CRADD: variants seen among roughly 807,000 people sequenced by gnomAD.
CRADD encodes death domain-containing protein CRADD.
CRADD carries 9 observed loss-of-function variants against 15.5 expected under a neutral mutation model. The ratio of observed to expected loss-of-function variants is 0.58; its 90% CI spans 0.35 to 1.01. CRADD has a LOEUF of 1.01. Among genes scored for constraint, CRADD ranks in the 50% least tolerant of loss-of-function variants. The pLI, the probability that CRADD is intolerant of heterozygous loss-of-function variation, is 0.02. For missense variants in CRADD, 227 were observed against 250.3 expected, an observed-to-expected ratio of 0.91 and a Z score of 0.63; for synonymous variants, 118 against 107.6, an observed-to-expected ratio of 1.10 and a Z score of -0.60.
chr12:93,712,393 C>G (rs1465144457), intron 2 of CRADD, among the ~76,000 whole-genome samples: 1 of 152,172 alleles, frequency 6.6e-6, no homozygotes, highest in Non-Finnish European at 1.5e-5. Flanking sequence ...ATCTTTTTTA[C>G]AGCTCATCCG....
At chr12:93,881,242 T>A (rs12578141) in intron 2 of CRADD, among the ~76,000 whole-genome samples, 32,561 of 152,108 alleles carry the variant, frequency 0.21, 4,014 homozygotes, top group African/African-American at 0.33. Context: ...TAAGAAAGAC[T>A]GAGTCCTCTC....
At chr12:93,827,468 C>T (rs957212975) in intron 2 of CRADD, among the ~76,000 whole-genome samples, 1 of 152,154 alleles carries the variant, frequency 6.6e-6, no homozygotes, top group African/African-American at 2.4e-5. Flanking sequence ...ATTCACTTGT[C>T]GACAGACATT....
chr12:93,871,192 A>G (rs1958415872), intron 2 of CRADD, among the ~76,000 whole-genome samples: 1 of 152,226 alleles, frequency 6.6e-6, no homozygotes, highest in Non-Finnish European at 1.5e-5. Context: ...TACTTAGGCT[A>G]GTCAAATGAT....
intron 2 of CRADD, among the ~76,000 whole-genome samples, chr12:93,841,122 T>C (rs1215611444): frequency 6.6e-6 from 1 of 152,208 alleles, no homozygotes; most frequent in East Asian, 1.9e-4. Context: ...TGGATTGATA[T>C]ATTGAGTTAA....
At chr12:93,869,954 A>C (rs540421777) in intron 2 of CRADD, among the ~76,000 whole-genome samples, 28 of 152,208 alleles carry the variant, frequency 1.8e-4, no homozygotes, top group Non-Finnish European at 3.8e-4. Context: ...TACCTCAAAC[A>C]GAAAAAGATA....
At chr12:93,719,013 G>A (rs1272796156) in intron 2 of CRADD, among the ~76,000 whole-genome samples, 1 of 152,130 alleles carries the variant, frequency 6.6e-6, no homozygotes, top group Non-Finnish European at 1.5e-5. Flanking sequence ...TCTTGCCTCA[G>A]CCTCCCAAAG....
chr12:93,788,741 C>CA (rs1957312747), intron 2 of CRADD, among the ~76,000 whole-genome samples: 2 of 152,114 alleles, frequency 1.3e-5, no homozygotes, highest in African/African-American at 4.8e-5. Context: ...CCCAGCTCTG[C>CA]CTCTCTTTAG....
chr12:93,684,348 G>T (rs1955386283), intron 2 of CRADD, among the ~76,000 whole-genome samples: 1 of 152,132 alleles, frequency 6.6e-6, no homozygotes, highest in Admixed American at 6.5e-5. Flanking sequence ...TTCTCATAAG[G>T]AGTGCGCGAC....
intron 2 of CRADD, among the ~76,000 whole-genome samples, chr12:93,688,257 GT>G (rs1955483143): frequency 1.3e-5 from 2 of 152,140 alleles, no homozygotes; most frequent in Non-Finnish European, 2.9e-5. Context: ...AATTCCAACA[GT>G]TTGGGAGACC....
At chr12:93,759,299 A>G (rs1956923998) in intron 2 of CRADD, among the ~76,000 whole-genome samples, 1 of 152,142 alleles carries the variant, frequency 6.6e-6, no homozygotes, top group African/African-American at 2.4e-5. Context: ...AAAATCTGTT[A>G]CCAATTTATG....
At chr12:93,823,252 A>G (rs1957787695) in intron 2 of CRADD, among the ~76,000 whole-genome samples, 1 of 151,792 alleles carries the variant, frequency 6.6e-6, no homozygotes, top group African/African-American at 2.4e-5. Context: ...AGATTGTGCC[A>G]GTGCATTGCA....
intron 2 of CRADD, among the ~76,000 whole-genome samples, chr12:93,878,561 C>T (rs546433034): frequency 6.6e-6 from 1 of 152,278 alleles, no homozygotes; most frequent in Non-Finnish European, 1.5e-5. Context: ...CACTAGGATT[C>T]ATTCAGTCTT....
chr12:93,814,686 G>T (rs188978030), intron 2 of CRADD, among the ~76,000 whole-genome samples: 10 of 152,214 alleles, frequency 6.6e-5, no homozygotes, highest in African/African-American at 2.4e-4. Flanking sequence ...CTCCAGCTTC[G>T]CCTGCCACCA....
chr12:93,852,457 GC>G (rs1449210020), downstream of CRADD, among the ~76,000 whole-genome samples: 1 of 152,266 alleles, frequency 6.6e-6, no homozygotes, highest in African/African-American at 2.4e-5. Flanking sequence ...GGCCGAGGGG[GC>G]CCTTAGAGAC....
At chr12:93,735,711 G>A (rs1956555132) in intron 2 of CRADD, 1 of 151,982 alleles carries the variant, frequency 6.6e-6, no homozygotes, top group African/African-American at 2.4e-5. Flanking sequence ...GCCCAGCCTG[G>A]GTGACAAAGT....
At chr12:93,888,928 A>T (rs1958557046) in intron 2 of CRADD, among the ~76,000 whole-genome samples, 2 of 152,206 alleles carry the variant, frequency 1.3e-5, no homozygotes, top group Non-Finnish European at 2.9e-5. Context: ...CAGAAGGAGC[A>T]GGTTTCAAAG....
At position 93,683,993 on chromosome 12, in the gene CRADD, T is replaced by C. The variant is rs76979596; in HGVS notation, c.298+4921T>C. 9.2e-3 allele frequency among the ~76,000 whole-genome samples: 1,408 copies of C among 152,288 alleles called. 17 individuals are homozygous for C. The highest frequency in any genetic ancestry group is 0.032 in the African/African-American group (1,347 of 41,542). ...TGCTAGAGTGAGAACAGTGGGTCAGTATCCATAGCAAGACCCTTCCCTCGG... is the reference window on the plus strand; with the variant it reads ...TGCTAGAGTGAGAACAGTGGGTCAGCATCCATAGCAAGACCCTTCCCTCGG... On this transcript the variant is annotated intron_variant, in intron 2 of 2. Transcript: ENST00000332896.
At chr12:93,789,081 T>G (rs1957320199) in intron 2 of CRADD, among the ~76,000 whole-genome samples, 2 of 152,064 alleles carry the variant, frequency 1.3e-5, no homozygotes, top group Non-Finnish European at 2.9e-5. Context: ...TCCTTTTTTT[T>G]ATTTTTTAAT....
intron 2 of CRADD, among the ~76,000 whole-genome samples, chr12:93,765,503 A>T (rs1291809285): frequency 6.6e-6 from 1 of 152,196 alleles, no homozygotes; most frequent in Non-Finnish European, 1.5e-5. Flanking sequence ...AATAATCAGT[A>T]ATATTCCCCA....
Sources: gnomAD v4.1 joint callset for allele counts (sites outside exome capture counted in the v4.1 genomes callset) on GRCh38, gnomAD v4.1.1 for gene constraint, MANE v1.5 for transcripts, NCBI Gene and HGNC (gene_info 2026-07-23, HGNC 2026-07-21) for gene names.